EIF3E: variants seen among roughly 807,000 people sequenced by gnomAD.
The protein encoded by EIF3E is eukaryotic translation initiation factor 3 subunit E.
In EIF3E, 25 loss-of-function variants were observed where a neutral mutation model predicts 59.3. The observed-to-expected ratio is 0.42, with a 90% CI of 0.31 to 0.59. The LOEUF (loss-of-function observed/expected upper bound fraction) is 0.59. Ranked by LOEUF, EIF3E falls within the 20% of genes least tolerant of loss-of-function variation. The probability of loss-of-function intolerance (pLI) is 0.15; values close to 1 mark genes in which losing one functional copy is unlikely to be tolerated. For synonymous variants in EIF3E, 176 were observed against 170.2 expected, an observed-to-expected ratio of 1.03 and a Z score of -0.26; for missense variants, 317 against 534.3, an observed-to-expected ratio of 0.59 and a Z score of 4.01.
chr8:108,241,942 T>G, intron 1 of EIF3E, 29 bp from the exon 2 acceptor site: 1 of 1,434,304 alleles, frequency 7.0e-7, no homozygotes, highest in Non-Finnish European at 9.6e-7. Flanking sequence ...TTCTAATGAA[T>G]ATATTTAAGT....
intron 10 of EIF3E, among the ~76,000 whole-genome samples, chr8:108,204,322 G>C (rs554301555): frequency 6.6e-6 from 1 of 151,934 alleles, no homozygotes; most frequent in Non-Finnish European, 1.5e-5. Flanking sequence ...ACTAATGAGT[G>C]GATAAAGTAA....
chr8:108,240,102 C>T lies in EIF3E; in HGVS notation c.206-27G>A, dbSNP rs759900837. 1.0e-5 allele frequency: 16 copies of T among 1,553,040 alleles called. No homozygotes were observed. In the African/African-American group the frequency reaches 2.0e-4, roughly 20 times the overall value. ...TAATTAAAAATGCAGAAGAGCACTACAATGTTAAGGAATGTTAAATTGTGC... is the reference window on the plus strand; with the variant it reads ...TAATTAAAAATGCAGAAGAGCACTATAATGTTAAGGAATGTTAAATTGTGC... On this transcript the variant is annotated intron_variant, in intron 2 of 12. Coordinates refer to ENST00000220849, the MANE Select transcript of EIF3E (RefSeq NM_001568.3).
chr8:108,210,456 C>CT (rs1402942829), intron 10 of EIF3E, among the ~76,000 whole-genome samples: 4 of 152,138 alleles, frequency 2.6e-5, no homozygotes, highest in Non-Finnish European at 5.9e-5. Context: ...AGAACAAGTA[C>CT]TTTTTTTCCC....
intron 2 of EIF3E, among the ~76,000 whole-genome samples, chr8:108,240,716 G>A (rs980185601): frequency 1.3e-4 from 20 of 152,254 alleles, no homozygotes; most frequent in South Asian, 6.2e-4. Context: ...GGGCAAGGGC[G>A]CACGCCTGTA....
intron 3 of EIF3E, among the ~76,000 whole-genome samples, chr8:108,238,964 C>A (rs553594851): frequency 6.6e-6 from 1 of 152,246 alleles, no homozygotes; most frequent in African/African-American, 2.4e-5. Context: ...CAGACTAAGG[C>A]AATATGTTTT....
intron 2 of EIF3E, among the ~76,000 whole-genome samples, chr8:108,241,577 G>A (rs887800863): frequency 3.9e-5 from 6 of 152,162 alleles, no homozygotes. Flanking sequence ...ATGAAATGAA[G>A]GCATCTGATG....
intron 10 of EIF3E, among the ~76,000 whole-genome samples, chr8:108,210,764 A>C (rs1268837743): frequency 6.7e-6 from 1 of 149,368 alleles, no homozygotes; most frequent in African/African-American, 2.5e-5. Context: ...ACCCCACGAC[A>C]GGCCCCGGTG....
At chr8:108,229,481 A>G (rs986524295) in intron 5 of EIF3E, 11 of 208,430 alleles carry the variant, frequency 5.3e-5, no homozygotes, top group African/African-American at 2.3e-4. Flanking sequence ...GATAATTTAT[A>G]CATAACTAAT....
At position 108,236,219 on chromosome 8, in the gene EIF3E, C is replaced by T. The variant is rs550733278; in HGVS notation, c.324-16G>A. 6.2e-7 allele frequency: 1 copy of T among 1,602,528 alleles called. No individual in the cohort carries two copies. Among genetic ancestry groups the T allele is most frequent in the East Asian group, 2.2e-5 (1 of 44,588 alleles). On this transcript the variant is annotated splice_polypyrimidine_tract_variant and intron_variant, in intron 3 of 12. Coordinates refer to ENST00000220849, the MANE Select transcript of EIF3E (RefSeq NM_001568.3). ...CCTACCATCCCTAAATAATAAAAAACAAAAATTACATTATTTTAAAGGCCA... is the reference window on the plus strand; with the variant it reads ...CCTACCATCCCTAAATAATAAAAAATAAAAATTACATTATTTTAAAGGCCA...
At chr8:108,243,534 CAGG>C (rs1166364768) in intron 1 of EIF3E, 1 of 147,106 alleles carries the variant, frequency 6.8e-6, no homozygotes, top group African/African-American at 2.5e-5. Flanking sequence ...GAGGCTGAGG[CAGG>C]AGAATGACGT....
At chr8:108,213,259 T>C (rs1815243717) in intron 10 of EIF3E, among the ~76,000 whole-genome samples, 1 of 152,196 alleles carries the variant, frequency 6.6e-6, no homozygotes, top group South Asian at 2.1e-4. Context: ...TTATTGATAG[T>C]ACCTCGGAAG....
rs1441564761 is a variant in EIF3E, at chr8:108,201,476, G to C, written c.*409C>G. 6.5e-6 allele frequency: 1 copy of C among 152,830 alleles called. No individual in the cohort carries two copies. Among genetic ancestry groups the C allele is most frequent in the Non-Finnish European group, 1.5e-5 (1 of 68,606 alleles). 9.5% of individuals were successfully genotyped at this position (152,830 alleles called of 1,614,324 possible). On this transcript the variant is annotated 3_prime_UTR_variant, in exon 13 of 13. Coordinates refer to ENST00000220849, the MANE Select transcript of EIF3E (RefSeq NM_001568.3). ...TAGCATGAGGGAGATCATGATGATA[G>C]TTCTCTATCTTGGCTGCAGTGATGG...
intron 10 of EIF3E, among the ~76,000 whole-genome samples, chr8:108,211,339 G>A (rs1380968709): frequency 2.0e-5 from 3 of 151,424 alleles, no homozygotes; most frequent in South Asian, 2.1e-4. Flanking sequence ...GCATTTCTCT[G>A]ATGGCCAGTG....
chr8:108,240,053 T>C lies in EIF3E; in HGVS notation c.228A>G (p.Thr76=). Residue 76 remains threonine (T), a synonymous_variant, in exon 3 of 13, where the codon ACA becomes ACG. Transcript: ENST00000220849. ...IPHALREKRT[T]VVAQLKQLQA... Reference sequence around the variant, plus strand: ...GAAGCTGTTTCAGTTGTGCAACCACTGTGGTTCTTTTCTCTCTCAAAGCTA... The same window carrying C: ...GAAGCTGTTTCAGTTGTGCAACCACCGTGGTTCTTTTCTCTCTCAAAGCTA... The C allele has an allele frequency of 6.2e-7, 1 of 1,614,064 alleles. No individual in the cohort carries two copies. The highest frequency in any genetic ancestry group is 8.5e-7 in the Non-Finnish European group (1 of 1,179,944).
chr8:108,239,449 G>A (rs1269090067), intron 3 of EIF3E, among the ~76,000 whole-genome samples: 1 of 152,254 alleles, frequency 6.6e-6, no homozygotes, highest in East Asian at 1.9e-4. Context: ...GGATTCACTT[G>A]CCTCCACCTC....
chr8:108,228,899 A>G (rs547066866), intron 6 of EIF3E, among the ~76,000 whole-genome samples, 171 bp downstream of exon 6: 1 of 152,284 alleles, frequency 6.6e-6, no homozygotes, highest in Non-Finnish European at 1.5e-5. Context: ...ATTTCATTCA[A>G]GGAGATTCAA....
In EIF3E at chr8:108,201,610, A is replaced by C; in HGVS notation, c.*275T>G. ...GTACCATAGTAAGACAAAGTGAAAA[A>C]ATTGAGGGAAACAGGGTTCAGCCTA... On this transcript the variant is annotated 3_prime_UTR_variant, in exon 13 of 13. Transcript: ENST00000220849. 1 of 238,382 alleles carries C rather than the reference A, an allele frequency of 4.2e-6. No individual in the cohort carries two copies. 14.8% of individuals were successfully genotyped at this position (238,382 alleles called of 1,614,324 possible).
At chr8:108,228,840 C>T (rs1210899960) in intron 6 of EIF3E, among the ~76,000 whole-genome samples, 4 of 152,090 alleles carry the variant, frequency 2.6e-5, no homozygotes, top group Non-Finnish European at 5.9e-5. Flanking sequence ...AGCTGTAAAA[C>T]AGAAATGAAG....
intron 10 of EIF3E, among the ~76,000 whole-genome samples, chr8:108,208,160 A>C (rs1252188971): frequency 6.6e-6 from 1 of 152,102 alleles, no homozygotes; most frequent in African/African-American, 2.4e-5. Context: ...CTTAACAAAC[A>C]CTTGGAAAAA....
Sources: allele counts gnomAD v4.1 joint callset (sites outside exome capture counted in the v4.1 genomes callset), GRCh38; gene constraint gnomAD v4.1.1; transcripts MANE v1.5; gene names NCBI Gene and HGNC (gene_info 2026-07-23, HGNC 2026-07-21).